ADAMTS17: variants seen among roughly 807,000 people sequenced by gnomAD.
ADAMTS17 encodes the protein ADAM metallopeptidase with thrombospondin type 1 motif 17, also known as A disintegrin and metalloproteinase with thrombospondin motifs 17.
In ADAMTS17, 113 loss-of-function variants were observed where a neutral mutation model predicts 141.5. The observed-to-expected ratio is 0.80, with a 90% CI of 0.69 to 0.93. The LOEUF is 0.93. Among genes scored for constraint, ADAMTS17 ranks in the 40% least tolerant of loss-of-function variants. ADAMTS17 has a pLI of 0.00. For missense variants in ADAMTS17, 1,659 were observed against 1,517.9 expected (o/e 1.09, Z -1.54); for synonymous variants, 768 against 630.6 (o/e 1.22, Z -3.27).
At chr15:100,046,242 G>A (rs2031673910) in intron 18 of ADAMTS17, among the ~76,000 whole-genome samples, 2 of 152,270 alleles carry the variant, frequency 1.3e-5, no homozygotes, top group African/African-American at 4.8e-5. Flanking sequence ...ATTGTTATCT[G>A]TAGGAGGGCT....
intron 3 of ADAMTS17, among the ~76,000 whole-genome samples, chr15:100,297,724 C>T (rs56405965): frequency 0.018 from 2,687 of 152,144 alleles, 57 homozygotes; most frequent in East Asian, 0.069. Context: ...GCTGGCTGTG[C>T]GGATTTGGGA....
chr15:100,226,617 G>C (rs879402061), intron 7 of ADAMTS17, among the ~76,000 whole-genome samples: 2 of 152,196 alleles, frequency 1.3e-5, no homozygotes, highest in Admixed American at 1.3e-4. Flanking sequence ...TTGCAGATCT[G>C]GGCTTGATAT....
In ADAMTS17 at chr15:100,330,992, G is replaced by T; in HGVS notation, c.513C>A (p.Gly171=). 1.2e-6 allele frequency: 2 copies of T among 1,614,144 alleles called. No individual in the cohort carries two copies. Among genetic ancestry groups the T allele is most frequent in the Middle Eastern group, 1.6e-4 (1 of 6,062 alleles). Residue 171 remains glycine (G), a synonymous_variant, in exon 3 of 22, where the codon GGC becomes GGA. Coordinates refer to ENST00000268070, the MANE Select transcript of ADAMTS17 (RefSeq NM_139057.4). ...VLIQPLNNSQ[G]PFSGREHLIR... is the part of the protein sequence containing the mutation. ...TCAGATGTTCTCGTCCACTGAATGG[G>T]CCCTGGGAGTTGTTGAGGGGCTGGA...
At chr15:100,262,616 A>G (rs1053741379) in intron 4 of ADAMTS17, among the ~76,000 whole-genome samples, 181 bp from the exon 5 acceptor site, 1 of 152,166 alleles carries the variant, frequency 6.6e-6, no homozygotes, top group Non-Finnish European at 1.5e-5. Context: ...TACAAGAAAC[A>G]TGCCATTCTA....
At chr15:100,125,116 G>A (rs546784015) in intron 12 of ADAMTS17, among the ~76,000 whole-genome samples, 1 of 152,302 alleles carries the variant, frequency 6.6e-6, no homozygotes, top group Admixed American at 6.5e-5. Context: ...GTACAAACCT[G>A]GCAGTTCTGG....
intron 3 of ADAMTS17, among the ~76,000 whole-genome samples, chr15:100,287,709 G>T (rs1396042856): frequency 6.6e-6 from 1 of 152,208 alleles, no homozygotes; most frequent in African/African-American, 2.4e-5. Flanking sequence ...CTATAAGCCA[G>T]GAGAAATTAC....
At chr15:100,277,242 G>A (rs1038314571) in intron 4 of ADAMTS17, among the ~76,000 whole-genome samples, 1 of 152,048 alleles carries the variant, frequency 6.6e-6, no homozygotes, top group South Asian at 2.1e-4. Context: ...CCGGGCTCTT[G>A]AGCCACCAGT....
At chr15:100,162,773 T>TTATATATAGGCACATATACACAC (rs2039772819) in intron 8 of ADAMTS17, among the ~76,000 whole-genome samples, 1 of 141,846 alleles carries the variant, frequency 7.0e-6, no homozygotes, top group African/African-American at 2.6e-5. Flanking sequence ...CATATACACA[T>TTATATATAGGCACATATACACAC]ATATATACAT....
At chr15:100,321,280 AAAC>A (rs374290046) in intron 3 of ADAMTS17, among the ~76,000 whole-genome samples, 13 of 152,316 alleles carry the variant, frequency 8.5e-5, no homozygotes, top group African/African-American at 2.9e-4. Flanking sequence ...AGAAACAAAC[AAAC>A]AACAACAAAG....
chr15:100,242,629 A>G (rs2042861360), intron 7 of ADAMTS17, among the ~76,000 whole-genome samples: 1 of 151,602 alleles, frequency 6.6e-6, no homozygotes, highest in Non-Finnish European at 1.5e-5. Context: ...CCACCCTCAA[A>G]CCCTGCACTA....
intron 2 of ADAMTS17, among the ~76,000 whole-genome samples, chr15:100,335,188 G>T (rs2046172275): frequency 6.6e-6 from 1 of 152,132 alleles, no homozygotes; most frequent in Non-Finnish European, 1.5e-5. Context: ...CCCTCCAGGG[G>T]ACTGTAACGC....
chr15:100,020,190 A>G (rs1159748023), intron 18 of ADAMTS17, among the ~76,000 whole-genome samples: 1 of 152,186 alleles, frequency 6.6e-6, no homozygotes, highest in East Asian at 1.9e-4. Context: ...AAATTATTCA[A>G]TGTGAAAACA....
chr15:100,251,931 G>A (rs117827035), intron 7 of ADAMTS17, among the ~76,000 whole-genome samples: 2,210 of 152,272 alleles, frequency 0.015, 21 homozygotes, highest in Middle Eastern at 0.051. Flanking sequence ...AAAGTCTGCC[G>A]ACACCTGGAT....
intron 3 of ADAMTS17, among the ~76,000 whole-genome samples, chr15:100,313,970 C>G (rs1442499200): frequency 2.6e-5 from 1 of 38,288 alleles, no homozygotes; most frequent in African/African-American, 1.1e-4. Flanking sequence ...CATGAAGAAA[C>G]GTCAGACAAA....
At chr15:100,115,152 C>T (rs2037034163) in intron 13 of ADAMTS17, among the ~76,000 whole-genome samples, 1 of 152,168 alleles carries the variant, frequency 6.6e-6, no homozygotes, top group African/African-American at 2.4e-5. Flanking sequence ...TTCAAGGCTG[C>T]TTCTCATGAG....
intron 15 of ADAMTS17, among the ~76,000 whole-genome samples, chr15:100,081,187 C>T (rs1399340463): frequency 1.3e-5 from 2 of 152,168 alleles, no homozygotes; most frequent in Non-Finnish European, 2.9e-5. Flanking sequence ...GGCCTAGGCT[C>T]CCAGCCTACA....
intron 18 of ADAMTS17, 75 bp downstream of exon 18, chr15:100,048,782 A>G (rs1349129005): frequency 6.2e-6 from 10 of 1,605,994 alleles, no homozygotes; most frequent in African/African-American, 1.3e-5. Context: ...CATTAACTGC[A>G]TATCACTCCC....
intron 20 of ADAMTS17, chr15:99,976,739 A>AAATCCTTTTCAAAT (rs1409450435): frequency 1.5e-5 from 3 of 201,048 alleles, no homozygotes; most frequent in Non-Finnish European, 3.0e-5. Flanking sequence ...GAGGGTCTTC[A>AAATCCTTTTCAAAT]CCAGGCACTG....
intron 8 of ADAMTS17, among the ~76,000 whole-genome samples, chr15:100,182,096 A>G (rs1271386226): frequency 2.0e-5 from 3 of 152,160 alleles, no homozygotes; most frequent in Non-Finnish European, 4.4e-5. Context: ...CATTTTTCAC[A>G]CTGCTACAAA....
Sources: gnomAD v4.1 joint callset for allele counts (sites outside exome capture counted in the v4.1 genomes callset) on GRCh38, gnomAD v4.1.1 for gene constraint, MANE v1.5 for transcripts, NCBI Gene and HGNC (gene_info 2026-07-23, HGNC 2026-07-21) for gene names.